Variants in FHIT observed in about 807,000 individuals in gnomAD.
FHIT encodes bis(5'-adenosyl)-triphosphatase.
FHIT carries 19 observed loss-of-function variants against 17.9 expected under a neutral mutation model. The observed-to-expected ratio is 1.06, with a 90% CI of 0.74 to 1.56. FHIT has a LOEUF of 1.56. Ranked by LOEUF, FHIT falls within the 40% of genes most tolerant of loss-of-function variation. The pLI is 0.00. For missense variants in FHIT, 248 were observed against 189.2 expected (o/e 1.31, Z -1.82); for synonymous variants, 81 against 69.7 (o/e 1.16, Z -0.81).
chr3:60,914,993 G>C (rs1706928667), intron 3 of FHIT, among the ~76,000 whole-genome samples: 1 of 152,174 alleles, frequency 6.6e-6, no homozygotes, highest in African/African-American at 2.4e-5. Flanking sequence ...AATCTCCACT[G>C]CAGGAAAATA....
At chr3:59,799,442 C>A (rs1294877751) in intron 8 of FHIT, among the ~76,000 whole-genome samples, 1 of 152,122 alleles carries the variant, frequency 6.6e-6, no homozygotes, top group African/African-American at 2.4e-5. Context: ...TGAAACTCCC[C>A]TAACAGGGAT....
chr3:60,712,704 A>G (rs1577102542), intron 4 of FHIT, among the ~76,000 whole-genome samples: 1 of 150,916 alleles, frequency 6.6e-6, no homozygotes, highest in East Asian at 2.0e-4. Context: ...TGGTAAAGGG[A>G]TCAATTCAAC....
chr3:60,254,668 T>G (rs1018812978), intron 5 of FHIT, among the ~76,000 whole-genome samples: 1 of 152,198 alleles, frequency 6.6e-6, no homozygotes, highest in Non-Finnish European at 1.5e-5. Flanking sequence ...ACTTGGACAT[T>G]AAATCAATAC....
At chr3:61,040,977 C>A (rs1166104753) in intron 3 of FHIT, among the ~76,000 whole-genome samples, 2 of 152,156 alleles carry the variant, frequency 1.3e-5, no homozygotes, top group Non-Finnish European at 2.9e-5. Context: ...CCCTGCCTCC[C>A]CTTCCTCCCC....
chr3:60,548,130 CGAGAGAGAGAGAGCGAGAGAGA>C (rs1429781873), intron 4 of FHIT, among the ~76,000 whole-genome samples: 2 of 16,346 alleles, frequency 1.2e-4, no homozygotes, highest in South Asian at 5.7e-3. Flanking sequence ...AAAAGGAGCA[CGAGAGAGAGAGAGCGAGAGAGA>C]GAGAGAGAGA....
intron 5 of FHIT, among the ~76,000 whole-genome samples, chr3:60,376,894 C>T (rs1054592432): frequency 3.3e-5 from 5 of 152,134 alleles, no homozygotes; most frequent in Non-Finnish European, 5.9e-5. Context: ...GTGTATAAAG[C>T]TACGAATTCC....
rs143748155 is a variant in FHIT, at chr3:60,054,362, C to T, written c.104-40210G>A. The stretch of plus-strand genomic sequence containing the variant: ...TTTATGTGTGTGAGATAAATGAAAG[C>T]GTTGAGGTCAGATTAGAAAAACAAA... On this transcript the variant is annotated intron_variant, in intron 5 of 9. Transcript: ENST00000492590. Among the ~76,000 whole-genome samples, 30 of 152,258 alleles carry T rather than the reference C, an allele frequency of 2.0e-4. No homozygotes were observed. In the East Asian group the frequency reaches 5.4e-3, roughly 27 times the overall value.
chr3:60,750,801 G>C (rs2042450793), intron 4 of FHIT, among the ~76,000 whole-genome samples: 1 of 152,180 alleles, frequency 6.6e-6, no homozygotes, highest in South Asian at 2.1e-4. Flanking sequence ...AACCAGGCAT[G>C]GTTCCTGCTT....
At chr3:60,986,729 A>G (rs535666132) in intron 3 of FHIT, among the ~76,000 whole-genome samples, 1 of 151,946 alleles carries the variant, frequency 6.6e-6, no homozygotes, top group Admixed American at 6.6e-5. Flanking sequence ...TTCACCACAC[A>G]CTCAAGAACT....
intron 5 of FHIT, among the ~76,000 whole-genome samples, chr3:60,108,340 G>C (rs1443527348): frequency 1.3e-5 from 2 of 152,168 alleles, no homozygotes; most frequent in Non-Finnish European, 1.5e-5. Flanking sequence ...CTAAATTCAA[G>C]CTAGCTCAAA....
At chr3:60,729,161 T>C (rs1577127310) in intron 4 of FHIT, among the ~76,000 whole-genome samples, 1 of 152,206 alleles carries the variant, frequency 6.6e-6, no homozygotes, top group African/African-American at 2.4e-5. Context: ...ATAGCGGCTG[T>C]ATATCACTGC....
At chr3:61,052,061 G>A (rs1302845948) in intron 2 of FHIT, among the ~76,000 whole-genome samples, 3 of 152,214 alleles carry the variant, frequency 2.0e-5, no homozygotes, top group Admixed American at 1.3e-4. Context: ...TTGTAAATGT[G>A]TGACCTAAAT....
intron 4 of FHIT, among the ~76,000 whole-genome samples, chr3:60,628,319 T>C (rs1576996982): frequency 6.6e-6 from 1 of 152,256 alleles, no homozygotes; most frequent in East Asian, 1.9e-4. Context: ...TTTATATGAT[T>C]TCAATCATTT....
intron 2 of FHIT, among the ~76,000 whole-genome samples, chr3:61,105,980 T>G (rs909578837): frequency 5.9e-5 from 9 of 152,240 alleles, no homozygotes; most frequent in African/African-American, 2.2e-4. Context: ...ATGATCCAAC[T>G]TAGCAGATAA....
chr3:60,085,663 G>C lies in FHIT; in HGVS notation c.104-71511C>G, dbSNP rs367653741. ...TTTAATAGCCAGAAACACAATTATA[G>C]GGGAGGTCAGAAGATACATCTCCAA... On this transcript the variant is annotated intron_variant, in intron 5 of 9. Coordinates refer to ENST00000492590, the MANE Select transcript of FHIT (RefSeq NM_002012.4). 5.9e-5 allele frequency among the ~76,000 whole-genome samples: 9 copies of C among 152,280 alleles called. No homozygotes were observed. In the East Asian group the frequency reaches 1.7e-3, roughly 29 times the overall value.
intron 5 of FHIT, among the ~76,000 whole-genome samples, chr3:60,446,028 C>A (rs958048837): frequency 6.6e-6 from 1 of 152,080 alleles, no homozygotes; most frequent in African/African-American, 2.4e-5. Flanking sequence ...TACTGAAAAG[C>A]AGCAGTTGGA....
At chr3:61,229,269 A>T (rs1250085794) in intron 1 of FHIT, among the ~76,000 whole-genome samples, 1 of 152,194 alleles carries the variant, frequency 6.6e-6, no homozygotes, top group Non-Finnish European at 1.5e-5. Context: ...AGAAAAGAAG[A>T]AGATATAGAA....
At chr3:60,707,638 T>C (rs1314413114) in intron 4 of FHIT, among the ~76,000 whole-genome samples, 1 of 152,230 alleles carries the variant, frequency 6.6e-6, no homozygotes, top group African/African-American at 2.4e-5. Context: ...CAGCAGTCTC[T>C]TCTGGAAGTG....
intron 5 of FHIT, among the ~76,000 whole-genome samples, chr3:60,474,770 C>T (rs953285766): frequency 1.3e-5 from 2 of 151,856 alleles, no homozygotes; most frequent in East Asian, 1.9e-4. Flanking sequence ...ATTACAGGCG[C>T]CTGCCACCAC....
Sources: gnomAD v4.1 joint callset for allele counts (sites outside exome capture counted in the v4.1 genomes callset) on GRCh38, gnomAD v4.1.1 for gene constraint, MANE v1.5 for transcripts, NCBI Gene and HGNC (gene_info 2026-07-23, HGNC 2026-07-21) for gene names.